Variants in RAPGEF5 observed in about 807,000 individuals in gnomAD.
RAPGEF5 encodes Rap guanine nucleotide exchange factor 5.
A neutral mutation model predicts 125.2 loss-of-function variants in RAPGEF5; 65 were observed. The ratio of observed to expected loss-of-function variants is 0.52; its 90% CI spans 0.43 to 0.64. RAPGEF5 has a LOEUF of 0.64. RAPGEF5 is among the 30% of genes least tolerant of loss of function. RAPGEF5 has a pLI of 0.00. For missense variants in RAPGEF5, 958 were observed against 1,048.1 expected (o/e 0.91, Z 1.19); for synonymous variants, 391 against 385.9 (o/e 1.01, Z -0.16).
chr7:22,289,482 G>C (rs1348664702), intron 6 of RAPGEF5, among the ~76,000 whole-genome samples: 1 of 152,206 alleles, frequency 6.6e-6, no homozygotes, highest in East Asian at 1.9e-4. Flanking sequence ...CAGCTTAGCA[G>C]AATGTGTATG....
intron 9 of RAPGEF5, chr7:22,194,482 G>A (rs548937861): frequency 2.6e-4 from 166 of 649,234 alleles, no homozygotes; most frequent in Non-Finnish European, 2.8e-4. Context: ...CAATGAGTAA[G>A]CCCTATTCAG....
intron 7 of RAPGEF5, among the ~76,000 whole-genome samples, chr7:22,252,861 A>C (rs547411502): frequency 1.3e-5 from 2 of 152,264 alleles, no homozygotes; most frequent in South Asian, 2.1e-4. Context: ...TACTTTCTTG[A>C]TTGTAAGAAT....
chr7:22,287,039 G>A (rs1036531171), intron 6 of RAPGEF5, among the ~76,000 whole-genome samples: 4 of 152,170 alleles, frequency 2.6e-5, no homozygotes, highest in Non-Finnish European at 4.4e-5. Flanking sequence ...GTTAGAATGC[G>A]GAAAGTCACA....
At chr7:22,194,137 C>T (rs73081705) in intron 9 of RAPGEF5, 104 bp from the exon 10 acceptor site, 12,493 of 972,032 alleles carry the variant, frequency 0.013, 107 homozygotes, top group Non-Finnish European at 0.016. Context: ...TCTAGAGTTG[C>T]TTTACAGTAT....
intron 7 of RAPGEF5, among the ~76,000 whole-genome samples, chr7:22,252,555 C>T (rs1196432277): frequency 1.3e-5 from 2 of 152,176 alleles, no homozygotes; most frequent in African/African-American, 4.8e-5. Flanking sequence ...GCCTTGCTTT[C>T]TGATTTTCTT....
chr7:22,124,813 C>T (rs1376549830), intron 25 of RAPGEF5, among the ~76,000 whole-genome samples: 3 of 152,032 alleles, frequency 2.0e-5, no homozygotes, highest in African/African-American at 2.4e-5. Flanking sequence ...AAAGAGAGGG[C>T]GAGGAGGTAA....
chr7:22,293,538 G>A (rs1281917377), intron 5 of RAPGEF5, among the ~76,000 whole-genome samples: 3 of 151,988 alleles, frequency 2.0e-5, no homozygotes, highest in Admixed American at 6.6e-5. Flanking sequence ...TTCTCTTCTT[G>A]TACCCAGATG....
intron 9 of RAPGEF5, among the ~76,000 whole-genome samples, chr7:22,200,097 C>A (rs1392680172): frequency 2.6e-5 from 4 of 152,064 alleles, no homozygotes; most frequent in Non-Finnish European, 1.5e-5. Context: ...CTCTTCCCAT[C>A]TTGTACTATG....
intron 7 of RAPGEF5, among the ~76,000 whole-genome samples, chr7:22,264,326 G>A (rs2128141263): frequency 6.6e-6 from 1 of 152,276 alleles, no homozygotes; most frequent in East Asian, 1.9e-4. Context: ...AAGTGTATGA[G>A]ATCACTTTAC....
chr7:22,254,361 C>T (rs534727360), intron 7 of RAPGEF5, among the ~76,000 whole-genome samples: 3 of 151,168 alleles, frequency 2.0e-5, no homozygotes, highest in East Asian at 1.9e-4. Context: ...GTAATCCCAG[C>T]GCTTTGGGAG....
chr7:22,316,483 A>ATTT (rs1246659633), intron 2 of RAPGEF5, among the ~76,000 whole-genome samples: 3 of 30,448 alleles, frequency 9.9e-5, no homozygotes, highest in Non-Finnish European at 1.3e-4. Flanking sequence ...ATATATATAT[A>ATTT]TATATATTTT....
At chr7:22,206,279 A>G (rs912738325) in intron 9 of RAPGEF5, among the ~76,000 whole-genome samples, 4 of 152,226 alleles carry the variant, frequency 2.6e-5, no homozygotes, top group African/African-American at 9.6e-5. Context: ...CAGAATTTCA[A>G]TTCTTCCAGA....
At chr7:22,246,163 AC>A in intron 7 of RAPGEF5, among the ~76,000 whole-genome samples, 2 of 152,324 alleles carry the variant, frequency 1.3e-5, no homozygotes, top group East Asian at 3.9e-4. Flanking sequence ...AAAGCAATCT[AC>A]AGATGCAGTG....
At chr7:22,200,178 A>T (rs1037566194) in intron 9 of RAPGEF5, among the ~76,000 whole-genome samples, 2 of 152,202 alleles carry the variant, frequency 1.3e-5, no homozygotes. Context: ...AAATGTGGGT[A>T]CAGCAGAATT....
chr7:22,344,623 T>C (rs1435794151), intron 1 of RAPGEF5, among the ~76,000 whole-genome samples: 13 of 151,886 alleles, frequency 8.6e-5, no homozygotes, highest in Admixed American at 8.5e-4. Flanking sequence ...GGCAACAGAG[T>C]CCTGGTGATG....
In RAPGEF5 at chr7:22,166,228, T is replaced by C. The variant is rs952020781; in HGVS notation, c.1283+842A>G. 2.0e-5 allele frequency among the ~76,000 whole-genome samples: 3 copies of C among 151,692 alleles called. No individual in the cohort carries two copies. The East Asian group carries it at 5.8e-4, about 29-fold the overall frequency. On this transcript the variant is annotated intron_variant, in intron 12 of 25. Transcript: ENST00000665637. ...AGGTGTGAGCCACGACACCCAGCCA[T>C]CATTAGGTCTTAATAGAACTTTAGT...
chr7:22,224,608 G>C (rs1215427253), intron 8 of RAPGEF5, among the ~76,000 whole-genome samples: 1 of 152,042 alleles, frequency 6.6e-6, no homozygotes, highest in Non-Finnish European at 1.5e-5. Flanking sequence ...CTGCTCCCCA[G>C]TATGGCCCTC....
At chr7:22,299,156 A>C (rs1783137785) in intron 5 of RAPGEF5, among the ~76,000 whole-genome samples, 2 of 151,804 alleles carry the variant, frequency 1.3e-5, no homozygotes, top group Non-Finnish European at 2.9e-5. Flanking sequence ...TCTGAGGTGG[A>C]AGCCCTGATC....
intron 9 of RAPGEF5, 126 bp downstream of exon 9, chr7:22,219,740 T>C: frequency 7.6e-7 from 1 of 1,315,088 alleles, no homozygotes. Flanking sequence ...AGGATGCTCT[T>C]GGGGGGAAAA....
Sources: allele counts gnomAD v4.1 joint callset (sites outside exome capture counted in the v4.1 genomes callset), GRCh38; gene constraint gnomAD v4.1.1; transcripts MANE v1.5; gene names NCBI Gene and HGNC (gene_info 2026-07-23, HGNC 2026-07-21).